The following GABBR2 variants were observed in gnomAD, a reference collection of about 807,000 sequenced individuals.
The protein encoded by GABBR2 is G-protein coupled receptor 51.
Under a neutral mutation model 105.6 loss-of-function variants are expected in GABBR2, and 23 were observed. The ratio of observed to expected loss-of-function variants is 0.22; its 90% CI spans 0.16 to 0.31. The LOEUF (loss-of-function observed/expected upper bound fraction) is 0.31. GABBR2 is among the 10% of genes least tolerant of loss of function. The probability of loss-of-function intolerance (pLI) is 1.00; values close to 1 mark genes in which losing one functional copy is unlikely to be tolerated. For missense variants in GABBR2, 734 were observed against 1,245.5 expected (o/e 0.59, Z 6.18); for synonymous variants, 478 against 499.7 (o/e 0.96, Z 0.58).
At chr9:98,405,860 G>A (rs112232297) in intron 8 of GABBR2, among the ~76,000 whole-genome samples, 9 of 152,182 alleles carry the variant, frequency 5.9e-5, no homozygotes, top group Non-Finnish European at 1.3e-4. Context: ...ATCAACAGAC[G>A]TGGAACCCAT....
In GABBR2 at chr9:98,590,245, C is replaced by T. The variant is rs368151117; in HGVS notation, c.322-12173G>A. Among the ~76,000 whole-genome samples the T allele has an allele frequency of 2.4e-3, 362 of 152,300 alleles. 1 individual carries two copies. Among genetic ancestry groups the T allele is most frequent in the African/African-American group, 7.8e-3 (325 of 41,572 alleles). Reference sequence around the variant, plus strand: ...CATCTTGAGTTTTTCACACCCCTTCCCCGGGGTGATGGACAGACCATCTGC... The same window carrying T: ...CATCTTGAGTTTTTCACACCCCTTCTCCGGGGTGATGGACAGACCATCTGC... On this transcript the variant is annotated intron_variant, in intron 1 of 18. Transcript: ENST00000259455.
intron 14 of GABBR2, 114 bp downstream of exon 14, chr9:98,310,981 T>G: frequency 1.6e-6 from 1 of 637,800 alleles, no homozygotes; most frequent in Admixed American, 2.6e-5. Context: ...CCACAGAGAG[T>G]AACTGCTTAG....
chr9:98,306,010 CA>C lies in GABBR2; in HGVS notation c.2229+110del. ...TTTCTATAATGTGAATTGTCTTCATCATAAAAAAAAAAAGGAATGGGTAAAC... is the reference window on the plus strand; with the variant it reads ...TTTCTATAATGTGAATTGTCTTCATCTAAAAAAAAAAAGGAATGGGTAAAC... On this transcript the variant is annotated intron_variant, in intron 15 of 18. Transcript: ENST00000259455. The surrounding 1 kb of genome is among the most constrained non-coding windows in gnomAD (Gnocchi z 5.4). 1 of 713,932 alleles carries C rather than the reference CA, an allele frequency of 1.4e-6. No individual in the cohort carries two copies. The allele number at this position is 713,932 out of a possible 1,614,324, so 44.2% of individuals were successfully genotyped here.
intron 1 of GABBR2, among the ~76,000 whole-genome samples, chr9:98,669,798 T>C (rs1588276486): frequency 6.6e-6 from 1 of 151,944 alleles, no homozygotes; most frequent in East Asian, 1.9e-4. Flanking sequence ...GGGCAGGGGC[T>C]GGGGGCTGGC....
intron 3 of GABBR2, among the ~76,000 whole-genome samples, chr9:98,531,209 G>A (rs367911809): frequency 2.0e-5 from 3 of 152,158 alleles, no homozygotes; most frequent in African/African-American, 4.8e-5. Flanking sequence ...GGAGCCTGGC[G>A]TTGGCACCAC....
intron 1 of GABBR2, among the ~76,000 whole-genome samples, chr9:98,663,017 GA>G (rs768691042): frequency 2.0e-5 from 3 of 152,156 alleles, no homozygotes; most frequent in Non-Finnish European, 4.4e-5. Context: ...GTTGATTAAG[GA>G]TGGGTTGATC....
chr9:98,318,983 CAG>C (rs1431328332), intron 13 of GABBR2, among the ~76,000 whole-genome samples: 1 of 151,446 alleles, frequency 6.6e-6, no homozygotes, highest in Non-Finnish European at 1.5e-5. Flanking sequence ...GACTGCATTT[CAG>C]AGTTTTGAGA....
chr9:98,383,750 T>A (rs1157936655), intron 11 of GABBR2, among the ~76,000 whole-genome samples: 3 of 152,218 alleles, frequency 2.0e-5, no homozygotes, highest in African/African-American at 7.2e-5. Context: ...CAGTCCAGTT[T>A]AATCATTCGC....
intron 7 of GABBR2, among the ~76,000 whole-genome samples, chr9:98,412,644 AC>A (rs1352925518): frequency 6.6e-6 from 1 of 152,012 alleles, no homozygotes; most frequent in Non-Finnish European, 1.5e-5. Flanking sequence ...AATCACAGAA[AC>A]TCCAATCCCT....
chr9:98,308,990 G>A (rs940153713), intron 14 of GABBR2, among the ~76,000 whole-genome samples: 3 of 152,146 alleles, frequency 2.0e-5, no homozygotes, highest in Non-Finnish European at 4.4e-5. Flanking sequence ...TGGGGATTGG[G>A]GCCAAAACAT....
At chr9:98,661,990 CACTTCAGTTCAACTTCT>C (rs1830271756) in intron 1 of GABBR2, among the ~76,000 whole-genome samples, 1 of 152,152 alleles carries the variant, frequency 6.6e-6, no homozygotes, top group Non-Finnish European at 1.5e-5. Flanking sequence ...CAACTTCTCC[CACTTCAGTTCAACTTCT>C]GCTTCACTTC....
intron 13 of GABBR2, among the ~76,000 whole-genome samples, chr9:98,340,670 A>G (rs1831196964): frequency 6.6e-6 from 1 of 152,160 alleles, no homozygotes; most frequent in Admixed American, 6.5e-5. Context: ...TGCAGTACGT[A>G]AGGGAGCATG....
intron 2 of GABBR2, among the ~76,000 whole-genome samples, chr9:98,567,103 G>A (rs1033413566): frequency 3.9e-5 from 6 of 152,276 alleles, no homozygotes; most frequent in East Asian, 1.9e-4. Context: ...CGTAAGTAGC[G>A]CGAGTGATTT....
chr9:98,566,446 C>T (rs1376819717), intron 2 of GABBR2, among the ~76,000 whole-genome samples: 3 of 152,056 alleles, frequency 2.0e-5, no homozygotes, highest in Admixed American at 1.3e-4. Flanking sequence ...AAGGCCGAGG[C>T]GGGCGGATCA....
chr9:98,355,721 T>C (rs1328571042), intron 13 of GABBR2, among the ~76,000 whole-genome samples: 1 of 152,204 alleles, frequency 6.6e-6, no homozygotes, highest in Admixed American at 6.5e-5. Context: ...ATCAACAAAC[T>C]AATTCCAAAG....
intron 1 of GABBR2, among the ~76,000 whole-genome samples, chr9:98,603,736 T>C (rs553564710): frequency 6.6e-6 from 1 of 152,294 alleles, no homozygotes; most frequent in South Asian, 2.1e-4. Context: ...GATAAGAAAC[T>C]GGCCCAAAGC....
intron 3 of GABBR2, among the ~76,000 whole-genome samples, chr9:98,533,317 G>A (rs1261977656): frequency 2.0e-5 from 3 of 152,196 alleles, no homozygotes; most frequent in South Asian, 2.1e-4. Context: ...AGAATCATCC[G>A]TCATTCCCTG....
chr9:98,621,354 C>A (rs946613699), intron 1 of GABBR2, among the ~76,000 whole-genome samples: 3 of 152,192 alleles, frequency 2.0e-5, no homozygotes, highest in African/African-American at 7.2e-5. Context: ...GCATCCACAT[C>A]GTGTGGTTCT....
intron 16 of GABBR2, chr9:98,302,948 T>C (rs893334224): frequency 5.2e-5 from 21 of 406,814 alleles, no homozygotes; most frequent in Non-Finnish European, 1.3e-5. Flanking sequence ...GAAGCTATGA[T>C]AATCCAGAAG....
Sources: gnomAD v4.1 joint callset for allele counts (sites outside exome capture counted in the v4.1 genomes callset) on GRCh38, gnomAD v4.1.1 for gene constraint, Gnocchi (gnomAD v3.1) non-coding constraint, MANE v1.5 for transcripts, NCBI Gene and HGNC (gene_info 2026-07-23, HGNC 2026-07-21) for gene names.